Variants in COL6A3 observed in about 807,000 individuals in gnomAD.
COL6A3 encodes collagen alpha-3(VI) chain.
COL6A3 carries 137 observed loss-of-function variants against 274.1 expected under a neutral mutation model. The ratio of observed to expected loss-of-function variants is 0.50; its 90% CI spans 0.44 to 0.58. The LOEUF (loss-of-function observed/expected upper bound fraction) is 0.58, where lower values mean the gene tolerates loss of function less well. Among genes scored for constraint, COL6A3 ranks in the 20% least tolerant of loss-of-function variants. The pLI is 0.00. For missense variants in COL6A3, 3,950 were observed against 4,124.9 expected, an observed-to-expected ratio of 0.96 and a Z score of 1.16; for synonymous variants, 1,650 against 1,650.6, an observed-to-expected ratio of 1.00 and a Z score of 0.01.
At position 237,334,708 on chromosome 2, in the gene COL6A3, G is replaced by A. The variant is rs183247300; in HGVS notation, c.9147C>T (p.Leu3049=). 3.6e-5 allele frequency: 58 copies of A among 1,614,010 alleles called. No individual in the cohort carries two copies. Among genetic ancestry groups the A allele is most frequent in the Middle Eastern group, 3.4e-4 (2 of 5,950 alleles). Residue 3049 remains leucine (L), a synonymous_variant, in exon 41 of 44, where the codon CTC becomes CTT. Coordinates refer to ENST00000295550, the MANE Select transcript of COL6A3 (RefSeq NM_004369.4). ...CAGCCACATGGTATGTCTGCCCAGC[G>A]AGCAGGCCTCCAATGACGCGGTCCG... ...TVTDRVIGGL[L]AGQTYHVAVV...
At chr2:237,403,001 G>A (rs3851966) in intron 1 of COL6A3, among the ~76,000 whole-genome samples, 1,827 of 152,262 alleles carry the variant, frequency 0.012, 69 homozygotes, top group Admixed American at 0.058. Flanking sequence ...GAGTCTGTCC[G>A]GCTGATGAGT....
chr2:237,414,118 C>A lies in COL6A3; in HGVS notation c.-196G>T, dbSNP rs1234306505. The A allele has an allele frequency of 3.3e-5, 5 of 152,186 alleles. No individual in the cohort carries two copies. The highest frequency in any genetic ancestry group is 3.3e-4 in the Admixed American group (5 of 15,282). 9.4% of individuals were successfully genotyped at this position (152,186 alleles called of 1,614,324 possible). A position where few individuals can be genotyped will look rare whatever the true frequency, so the allele number is the denominator to read the frequency against. On this transcript the variant is annotated 5_prime_UTR_variant, in exon 1 of 44. Coordinates refer to ENST00000295550, the MANE Select transcript of COL6A3 (RefSeq NM_004369.4). ...CGGAGGAAAACTCTTGCAGTCCTTG[C>A]AGGAGGCTGGAGCCCAGGAGAACTG...
In COL6A3 at chr2:237,387,800, C is replaced by G; in HGVS notation, c.1094G>C (p.Gly365Ala). The G allele has an allele frequency of 6.2e-7, 1 of 1,614,146 alleles. No individual in the cohort carries two copies. The highest frequency in any genetic ancestry group is 8.5e-7 in the Non-Finnish European group (1 of 1,180,016). Reference sequence around the variant, plus strand: ...GCTAGCCTGCTTCAGTGCTACCACCCCGTAGCGAATCTCGTCACTAGAAGG... The same window carrying G: ...GCTAGCCTGCTTCAGTGCTACCACCGCGTAGCGAATCTCGTCACTAGAAGG... ...AGPSSDEIRY[G>A]VVALKQASVF... Residue 365 changes from glycine to alanine, a missense_variant, in exon 4 of 44, where the codon GGG (glycine) becomes GCG (alanine). Gly to Ala is a moderately conservative substitution (Grantham distance 60). Around this residue, in one of 5 missense-constraint regions of COL6A3, gnomAD observed 1,934 missense variants for 1,984.3 expected, o/e 0.97. Coordinates refer to ENST00000295550, the MANE Select transcript of COL6A3 (RefSeq NM_004369.4).
Position 237,336,301 on chromosome 2 carries a change from T to C in COL6A3, c.8799A>G (p.Pro2933=), listed in dbSNP as rs139811166. The C allele has an allele frequency of 1.9e-6, 3 of 1,613,236 alleles. No individual in the cohort carries two copies. Among genetic ancestry groups the C allele is most frequent in the African/African-American group, 2.7e-5 (2 of 75,036 alleles). ...VATKMATVRP[P]VAVKPATAAK... ...CTGCCGTTGCTGGCTTCACCGCCAC[T>C]GGGGGTCTAACAGTGGCCATCTTTG... Residue 2933 remains proline (P), a synonymous_variant, in exon 40 of 44, where the codon CCA becomes CCG. Coordinates refer to ENST00000295550, the MANE Select transcript of COL6A3 (RefSeq NM_004369.4).
chr2:237,361,675 ACC>A lies in COL6A3; in HGVS notation c.6156+62_6156+63del. 6 of 1,392,774 alleles carry A rather than the reference ACC, an allele frequency of 4.3e-6. No homozygotes were observed. Among genetic ancestry groups the A allele is most frequent in the Non-Finnish European group, 6.1e-6 (6 of 978,168 alleles). The allele number at this position is 1,392,774 out of a possible 1,614,324, so 86.3% of individuals were successfully genotyped here. ...ACTCTTCTGTTAGAGAAATTACCCC[ACC>A]AAAGTAATGTCGGGCTTCTGACACC... is the stretch of plus-strand genomic sequence containing the variant. On this transcript the variant is annotated intron_variant, in intron 15 of 43. Transcript: ENST00000295550. This position sits in a 1 kb window ranked among gnomAD's most constrained non-coding sequence, Gnocchi z 5.1.
At position 237,348,656 on chromosome 2, in the gene COL6A3, T is replaced by C; in HGVS notation, c.6887A>G (p.Asp2296Gly). 6.2e-7 allele frequency: 1 copy of C among 1,614,142 alleles called. No individual in the cohort carries two copies. The highest frequency in any genetic ancestry group is 8.5e-7 in the Non-Finnish European group (1 of 1,179,990). ...NRGPRGETGD[D>G]GRDGVGSEGR... is the part of the protein sequence containing the mutation. The stretch of plus-strand genomic sequence containing the variant: ...TTCACTGCCAACTCCGTCTCTCCCG[T>C]CATCTCCCTAAGAGTGGGAAAGAGA... The change falls in exon 29 of 44, where the codon GAC becomes GGC. Residue 2296 changes from aspartate (D) to glycine (G), a missense_variant. Physicochemically the swap from Asp to Gly is moderately conservative, Grantham distance 94. Coordinates refer to ENST00000295550, the MANE Select transcript of COL6A3 (RefSeq NM_004369.4).
intron 42 of COL6A3, chr2:237,328,950 A>AT (rs1188712086): frequency 6.6e-6 from 1 of 152,246 alleles, no homozygotes; most frequent in Non-Finnish European, 1.5e-5. Flanking sequence ...CATACCTTGG[A>AT]TGCAGGTATG....
chr2:237,364,258 G>T lies in COL6A3; in HGVS notation c.5917+92C>A. On this transcript the variant is annotated intron_variant, in intron 13 of 43. Transcript: ENST00000295550. The surrounding 1 kb of genome is among the most constrained non-coding windows in gnomAD (Gnocchi z 4.6). Reference sequence around the variant, plus strand: ...CAAGACAACGCTGCTCCCTTGGGGCGCTGCATTAGCAGAGAGGTTTCTCTC... The same window carrying T: ...CAAGACAACGCTGCTCCCTTGGGGCTCTGCATTAGCAGAGAGGTTTCTCTC... The T allele has an allele frequency of 4.0e-6, 4 of 992,086 alleles. No homozygotes were observed. Among genetic ancestry groups the T allele is most frequent in the Non-Finnish European group, 4.8e-6 (3 of 624,282 alleles). The allele number at this position is 992,086 out of a possible 1,614,324, so 61.5% of individuals were successfully genotyped here.
At chr2:237,333,913 G>C (rs1383256175) in intron 41 of COL6A3, among the ~76,000 whole-genome samples, 1 of 152,160 alleles carries the variant, frequency 6.6e-6, no homozygotes, top group East Asian at 1.9e-4. Flanking sequence ...CCTCAAGCTG[G>C]TTCCTTGATC....
At chr2:237,369,846 T>TC (rs1223312804) in intron 9 of COL6A3, among the ~76,000 whole-genome samples, 1 of 151,940 alleles carries the variant, frequency 6.6e-6, no homozygotes, top group Non-Finnish European at 1.5e-5. Flanking sequence ...TCTTTCTTTT[T>TC]TTTTTTTCTG....
chr2:237,353,589 T>C (rs1243827250), intron 24 of COL6A3, among the ~76,000 whole-genome samples, 186 bp from the exon 25 acceptor site: 1 of 152,172 alleles, frequency 6.6e-6, no homozygotes. Flanking sequence ...GCCAGCTGTC[T>C]CCCTGCACTT....
intron 1 of COL6A3, among the ~76,000 whole-genome samples, chr2:237,402,146 A>C (rs2078607079): frequency 6.6e-6 from 1 of 152,124 alleles, no homozygotes; most frequent in Non-Finnish European, 1.5e-5. Flanking sequence ...TTACTTTATA[A>C]TTCCATTTAT....
At chr2:237,354,011 A>ATTT (rs369802051) in intron 24 of COL6A3, among the ~76,000 whole-genome samples, 1 of 142,286 alleles carries the variant, frequency 7.0e-6, no homozygotes, top group Non-Finnish European at 1.5e-5. Context: ...GCTACAAAGA[A>ATTT]TTTTTTTTTT....
intron 22 of COL6A3, 72 bp from the exon 23 acceptor site, chr2:237,357,463 G>C (rs1362397581): frequency 5.9e-6 from 8 of 1,358,530 alleles, no homozygotes; most frequent in African/African-American, 1.4e-5. Context: ...TGCTGCACAA[G>C]ACATTGCAGG....
chr2:237,347,043 C>A (rs7586225), intron 31 of COL6A3, among the ~76,000 whole-genome samples: 107,874 of 151,768 alleles, frequency 0.71, 38,479 homozygotes, highest in Middle Eastern at 0.77. Flanking sequence ...TGTTAGCAAC[C>A]TTTACACAGA....
At chr2:237,395,333 T>C (rs2078410360) in intron 2 of COL6A3, 129 bp from the exon 3 acceptor site, 3 of 946,730 alleles carry the variant, frequency 3.2e-6, no homozygotes, top group Non-Finnish European at 4.8e-6. Context: ...TCACTGATAA[T>C]ACAGGAAGGT....
intron 23 of COL6A3, 109 bp from the exon 24 acceptor site, chr2:237,355,043 ATCT>A: frequency 1.9e-6 from 2 of 1,049,812 alleles, no homozygotes; most frequent in Non-Finnish European, 2.9e-6. Context: ...ACTCAGGGGA[ATCT>A]TCCCAAGCAC....
At position 237,381,477 on chromosome 2, in the gene COL6A3, G is replaced by A. The variant is rs202186575; in HGVS notation, c.1335C>T (p.Asp445=). Residue 445 remains aspartate (D), a synonymous_variant, in exon 5 of 44, where the codon GAC becomes GAT. Coordinates refer to ENST00000295550, the MANE Select transcript of COL6A3 (RefSeq NM_004369.4). ...VTQVIEVNKR[D]IVFLVDGSSA... ...ATGAGCCATCCACCAGGAAGACTATGTCTCTCTTGTTGACTTCAATGACTG... is the reference window on the plus strand; with the variant it reads ...ATGAGCCATCCACCAGGAAGACTATATCTCTCTTGTTGACTTCAATGACTG... The A allele has an allele frequency of 3.1e-6, 5 of 1,604,496 alleles. No homozygotes were observed. Among genetic ancestry groups the A allele is most frequent in the Non-Finnish European group, 8.5e-7 (1 of 1,179,950 alleles).
chr2:237,412,614 T>G (rs1184562223), intron 1 of COL6A3, among the ~76,000 whole-genome samples: 1 of 152,200 alleles, frequency 6.6e-6, no homozygotes, highest in East Asian at 1.9e-4. Context: ...GTCCCAGTAA[T>G]GTCATCAACG....
Sources: allele counts gnomAD v4.1 joint callset (sites outside exome capture counted in the v4.1 genomes callset), GRCh38; gene constraint gnomAD v4.1.1; regional missense constraint gnomAD v4.1.1; non-coding constraint Gnocchi (gnomAD v3.1); transcripts MANE v1.5; gene names NCBI Gene and HGNC (gene_info 2026-07-23, HGNC 2026-07-21).